MAN1A2: variants seen among roughly 807,000 people sequenced by gnomAD.
MAN1A2 encodes mannosyl-oligosaccharide 1,2-alpha-mannosidase IB.
A neutral mutation model predicts 75.7 loss-of-function variants in MAN1A2; 26 were observed. The observed-to-expected ratio is 0.34, with a 90% CI of 0.25 to 0.48. The LOEUF is 0.48. Among genes scored for constraint, MAN1A2 ranks in the 20% least tolerant of loss-of-function variants. The probability of loss-of-function intolerance (pLI) is 0.99; values close to 1 mark genes in which losing one functional copy is unlikely to be tolerated. For synonymous variants in MAN1A2, 247 were observed against 264.6 expected, an observed-to-expected ratio of 0.93 and a Z score of 0.65; for missense variants, 562 against 775.5, an observed-to-expected ratio of 0.72 and a Z score of 3.27.
chr1:117,390,289 C>G (rs898786619), intron 1 of MAN1A2, among the ~76,000 whole-genome samples: 5 of 150,936 alleles, frequency 3.3e-5, no homozygotes, highest in Non-Finnish European at 5.9e-5. Flanking sequence ...GAGGTTTTAA[C>G]TATACATTCA....
intron 1 of MAN1A2, among the ~76,000 whole-genome samples, chr1:117,380,647 T>C (rs1211036924): frequency 6.6e-6 from 1 of 152,198 alleles, no homozygotes; most frequent in Non-Finnish European, 1.5e-5. Flanking sequence ...TTGAATAATA[T>C]TGGCACTCTT....
At chr1:117,466,310 C>T in intron 7 of MAN1A2, 24 bp from the exon 8 acceptor site, 1 of 1,450,414 alleles carries the variant, frequency 6.9e-7, no homozygotes, top group East Asian at 2.3e-5. Context: ...TTATTAATTG[C>T]ATTCTTAATT....
In MAN1A2 at chr1:117,446,081, C is replaced by T. The variant is rs145873232; in HGVS notation, c.950+3756C>T. ...TAAATTAGAAAATTTGGTGTAAAGT[C>T]GTTCTTGTGTTACTTTGTTTTACCT... On this transcript the variant is annotated intron_variant, in intron 6 of 12. Transcript: ENST00000356554. Among the ~76,000 whole-genome samples the T allele has an allele frequency of 4.2e-3, 636 of 150,572 alleles. 4 individuals are homozygous for T. The highest frequency in any genetic ancestry group is 0.015 in the African/African-American group (600 of 41,226).
At chr1:117,439,474 T>A (rs928720070) in intron 5 of MAN1A2, among the ~76,000 whole-genome samples, 1 of 151,920 alleles carries the variant, frequency 6.6e-6, no homozygotes, top group African/African-American at 2.4e-5. Flanking sequence ...ACAGTGGTTC[T>A]ATGTTACCTA....
At chr1:117,516,055 C>T (rs1570806426) in intron 12 of MAN1A2, 1 of 152,098 alleles carries the variant, frequency 6.6e-6, no homozygotes. Context: ...TCCAACTTTT[C>T]CCTTCTTTAA....
At chr1:117,406,051 A>G (rs1003608492) in intron 3 of MAN1A2, among the ~76,000 whole-genome samples, 2 of 152,106 alleles carry the variant, frequency 1.3e-5, no homozygotes, top group Non-Finnish European at 2.9e-5. Flanking sequence ...AAAGTGACAT[A>G]CCTGGGATGA....
chr1:117,408,231 A>T (rs1266374474), intron 3 of MAN1A2, among the ~76,000 whole-genome samples: 2 of 151,314 alleles, frequency 1.3e-5, no homozygotes, highest in East Asian at 3.9e-4. Flanking sequence ...GGGCACCATG[A>T]TCATGATGCC....
At chr1:117,417,583 AC>A (rs1648042440) in intron 4 of MAN1A2, among the ~76,000 whole-genome samples, 1 of 115,898 alleles carries the variant, frequency 8.6e-6, no homozygotes, top group African/African-American at 3.3e-5. Context: ...TTATAAAAAT[AC>A]ATTAAAACTG....
chr1:117,448,191 G>A lies in MAN1A2; in HGVS notation c.950+5866G>A, dbSNP rs779522381. 5.9e-5 allele frequency among the ~76,000 whole-genome samples: 9 copies of A among 152,128 alleles called. 1 individual carries two copies. Among genetic ancestry groups the A allele is most frequent in the Non-Finnish European group, 2.9e-5 (2 of 68,000 alleles). On this transcript the variant is annotated intron_variant, in intron 6 of 12. Coordinates refer to ENST00000356554, the MANE Select transcript of MAN1A2 (RefSeq NM_006699.5). ...TATTCTCCTTGCGGCAATTCTGAAC[G>A]GGAGCTTATTAATGATTTGGCTCTC...
chr1:117,401,555 A>G (rs1647429834), intron 1 of MAN1A2, among the ~76,000 whole-genome samples: 1 of 152,136 alleles, frequency 6.6e-6, no homozygotes, highest in Non-Finnish European at 1.5e-5. Flanking sequence ...CCATTGCAGT[A>G]GTGGTTTCCA....
At chr1:117,441,153 A>C (rs1226831501) in intron 5 of MAN1A2, among the ~76,000 whole-genome samples, 1 of 152,158 alleles carries the variant, frequency 6.6e-6, no homozygotes, top group African/African-American at 2.4e-5. Flanking sequence ...GGACAGAGTG[A>C]ATGAAGGAGA....
intron 12 of MAN1A2, among the ~76,000 whole-genome samples, chr1:117,518,262 T>A (rs1651774089): frequency 6.6e-6 from 1 of 152,066 alleles, no homozygotes; most frequent in Admixed American, 6.6e-5. Flanking sequence ...GCATATACTT[T>A]GGCAATGAAT....
chr1:117,525,180 A>G lies in MAN1A2; in HGVS notation c.*2223A>G, dbSNP rs766399241. 2.9e-5 allele frequency: 15 copies of G among 515,988 alleles called. No homozygotes were observed. In the East Asian group the frequency reaches 6.2e-4, roughly 21 times the overall value. The allele number at this position is 515,988 out of a possible 1,614,324, so 32.0% of individuals were successfully genotyped here. A position where few individuals can be genotyped will look rare whatever the true frequency, so the allele number is the denominator to read the frequency against. ...ACTGAAGCTTAAGAGAAGGCAGGGA[A>G]GTATACAAGCAGAGCCAGTTCTGGT... On this transcript the variant is annotated 3_prime_UTR_variant, in exon 13 of 13. Coordinates refer to ENST00000356554, the MANE Select transcript of MAN1A2 (RefSeq NM_006699.5).
Position 117,368,139 on chromosome 1 carries a change from A to G in MAN1A2, c.-45A>G, listed in dbSNP as rs766292071. On this transcript the variant is annotated 5_prime_UTR_variant, in exon 1 of 13. Coordinates refer to ENST00000356554, the MANE Select transcript of MAN1A2 (RefSeq NM_006699.5). Reference sequence around the variant, plus strand: ...CAGTTCAATGTATTCTACATTTGACATAAGATGAGAACTTTCTAAAGTATT... The same window carrying G: ...CAGTTCAATGTATTCTACATTTGACGTAAGATGAGAACTTTCTAAAGTATT... 47 of 1,525,674 alleles carry G rather than the reference A, an allele frequency of 3.1e-5. No individual in the cohort carries two copies. The highest frequency in any genetic ancestry group is 3.9e-5 in the Non-Finnish European group (44 of 1,138,196). 94.5% of individuals were successfully genotyped at this position (1,525,674 alleles called of 1,614,324 possible). A position where few individuals can be genotyped will look rare whatever the true frequency, so the allele number is the denominator to read the frequency against.
At chr1:117,386,319 A>C (rs1265055001) in intron 1 of MAN1A2, among the ~76,000 whole-genome samples, 2 of 152,160 alleles carry the variant, frequency 1.3e-5, no homozygotes, top group Non-Finnish European at 2.9e-5. Flanking sequence ...CAGGGGTTTA[A>C]AGTAGGGGTT....
rs112580560 is a variant in MAN1A2 at position 117,523,212 on chromosome 1, A to C, written c.*255A>C. On this transcript the variant is annotated 3_prime_UTR_variant, in exon 13 of 13. Coordinates refer to ENST00000356554, the MANE Select transcript of MAN1A2 (RefSeq NM_006699.5). ...CTTTGATCGTTAATGAGGTGGTCAC[A>C]TGAGAAATGATACCTGTTACTACTG... 14 of 610,348 alleles carry C rather than the reference A, an allele frequency of 2.3e-5. 1 individual carries two copies. The highest frequency in any genetic ancestry group is 1.1e-4 in the African/African-American group (6 of 54,806). 37.8% of individuals were successfully genotyped at this position (610,348 alleles called of 1,614,324 possible). A position where few individuals can be genotyped will look rare whatever the true frequency, so the allele number is the denominator to read the frequency against.
At chr1:117,419,759 A>G (rs1184808433) in intron 4 of MAN1A2, among the ~76,000 whole-genome samples, 2 of 152,004 alleles carry the variant, frequency 1.3e-5, no homozygotes, top group South Asian at 2.1e-4. Context: ...TAGAGACTCT[A>G]TTTAGTAAGG....
intron 3 of MAN1A2, among the ~76,000 whole-genome samples, chr1:117,406,657 A>G (rs1321797650): frequency 6.6e-6 from 1 of 152,178 alleles, no homozygotes; most frequent in African/African-American, 2.4e-5. Context: ...ACTACTAGAG[A>G]CTTCATAATA....
rs1267047713 is a variant in MAN1A2, at chr1:117,527,335, G to A, written c.*4378G>A. The stretch of plus-strand genomic sequence containing the variant: ...AACTTTATTTACAAAAGCAGATGGA[G>A]GGCTGGATTTGGTCCATGGGTCATA... On this transcript the variant is annotated 3_prime_UTR_variant, in exon 13 of 13. Transcript: ENST00000356554. The A allele has an allele frequency of 6.6e-6, 1 of 151,922 alleles. No homozygotes were observed. Among genetic ancestry groups the A allele is most frequent in the African/African-American group, 2.4e-5 (1 of 41,406 alleles). The allele number at this position is 151,922 out of a possible 1,614,324, so 9.4% of individuals were successfully genotyped here.
Sources: allele counts gnomAD v4.1 joint callset (sites outside exome capture counted in the v4.1 genomes callset), GRCh38; gene constraint gnomAD v4.1.1; transcripts MANE v1.5; gene names NCBI Gene and HGNC (gene_info 2026-07-23, HGNC 2026-07-21).